Variants in TMEM185A observed in about 807,000 individuals in gnomAD.
TMEM185A encodes the protein transmembrane protein 185A.
In TMEM185A, 9 loss-of-function variants were observed where a neutral mutation model predicts 25.0. The ratio of observed to expected loss-of-function variants is 0.36; its 90% CI spans 0.22 to 0.63. The LOEUF (loss-of-function observed/expected upper bound fraction) is 0.63. Ranked by LOEUF, TMEM185A falls within the 20% of genes least tolerant of loss-of-function variation. The probability of loss-of-function intolerance (pLI) is 0.68; values close to 1 mark genes in which losing one functional copy is unlikely to be tolerated. For synonymous variants in TMEM185A, 45 were observed against 93.5 expected, an observed-to-expected ratio of 0.48 and a Z score of 2.99; for missense variants, 103 against 237.4, an observed-to-expected ratio of 0.43 and a Z score of 3.72.
At position 149,611,453 on chromosome X, in the gene TMEM185A, T is replaced by C; in HGVS notation, c.49A>G (p.Ile17Val). 2 of 1,190,083 alleles carry C rather than the reference T, an allele frequency of 1.7e-6. No homozygotes were observed. Among genetic ancestry groups the C allele is most frequent in the East Asian group, 3.0e-5 (1 of 33,530 alleles). The change falls in exon 2 of 7, where the codon ATC becomes GTC. Residue 17 changes from isoleucine (I) to valine (V), a missense_variant. Ile to Val is a conservative substitution (Grantham distance 29). Coordinates refer to ENST00000600449, the MANE Select transcript of TMEM185A (RefSeq NM_032508.4). ...GAGAACAGCAGCAGACAGGCATAGATGAGGAATTTACTAGGAGAAAAGTAA... is the reference window on the plus strand; with the variant it reads ...GAGAACAGCAGCAGACAGGCATAGACGAGGAATTTACTAGGAGAAAAGTAA... The part of the protein sequence containing the change: ...FQDFNPSKFL[I>V]YACLLLFSVL...
At chrX:149,615,824 C>T (rs984051087) in intron 1 of TMEM185A, among the ~76,000 whole-genome samples, 4 of 111,919 alleles carry the variant, frequency 3.6e-5, no homozygotes, top group Non-Finnish European at 7.5e-5. Flanking sequence ...TATGCAAAAC[C>T]TATATACTGA....
chrX:149,623,768 A>T (rs1053098041), intron 1 of TMEM185A, among the ~76,000 whole-genome samples: 25 of 112,134 alleles, frequency 2.2e-4, no homozygotes, highest in African/African-American at 7.8e-4. Context: ...CTAGCTTTTT[A>T]AAAAAATTAA....
At chrX:149,612,509 C>T (rs1423677686) in intron 1 of TMEM185A, among the ~76,000 whole-genome samples, 3 of 112,312 alleles carry the variant, frequency 2.7e-5, no homozygotes, top group African/African-American at 9.7e-5. Context: ...AAAAGTTATA[C>T]CAAATAAACA....
chrX:149,610,127 A>G (rs2124212331), intron 2 of TMEM185A, among the ~76,000 whole-genome samples: 1 of 111,241 alleles, frequency 9.0e-6, no homozygotes, highest in South Asian at 3.8e-4. Flanking sequence ...TAGTAAACAA[A>G]AATTTAAAAA....
chrX:149,598,848 G>C (rs2124194248), intron 6 of TMEM185A, among the ~76,000 whole-genome samples: 1 of 74,984 alleles, frequency 1.3e-5, no homozygotes, highest in East Asian at 4.1e-4. Flanking sequence ...CTCTCTGTAG[G>C]CTACTGGAGT....
chrX:149,611,162 A>G (rs2090081269), intron 2 of TMEM185A, 125 bp downstream of exon 2: 1 of 635,821 alleles, frequency 1.6e-6, no homozygotes, highest in South Asian at 3.7e-5. Flanking sequence ...CTGTTAGCTT[A>G]TACTATAGTT....
chrX:149,598,661 G>T (rs1209917298), intron 6 of TMEM185A, among the ~76,000 whole-genome samples: 2 of 52,160 alleles, frequency 3.8e-5, no homozygotes, highest in Non-Finnish European at 5.9e-5. Flanking sequence ...CGCAGACTAC[G>T]GTGTCTTCCG....
chrX:149,616,264 G>T (rs1196901825), intron 1 of TMEM185A, among the ~76,000 whole-genome samples: 6 of 112,220 alleles, frequency 5.3e-5, no homozygotes, highest in Admixed American at 2.8e-4. Flanking sequence ...CATCCTCTGT[G>T]TATTAGTTTC....
At chrX:149,610,278 A>C (rs1397135469) in intron 2 of TMEM185A, among the ~76,000 whole-genome samples, 1 of 107,841 alleles carries the variant, frequency 9.3e-6, no homozygotes, top group East Asian at 2.9e-4. Context: ...AATACAAAAA[A>C]TTAGCTGGGC....
At chrX:149,603,912 A>C in intron 4 of TMEM185A, 75 bp downstream of exon 4, 1 of 913,921 alleles carries the variant, frequency 1.1e-6, no homozygotes, top group Non-Finnish European at 1.5e-6. Context: ...CGTCTTTTCC[A>C]AGCTTTGTAC....
At chrX:149,603,844 A>G in intron 4 of TMEM185A, 143 bp downstream of exon 4, 1 of 436,468 alleles carries the variant, frequency 2.3e-6, no homozygotes, top group Non-Finnish European at 3.9e-6. Context: ...AACACTAACC[A>G]TGTTATCTCC....
chrX:149,612,066 T>C lies in TMEM185A; in HGVS notation c.39-603A>G, dbSNP rs782284826. Among the ~76,000 whole-genome samples the C allele has an allele frequency of 2.7e-5, 3 of 112,586 alleles. No homozygotes were observed. In the South Asian group the frequency reaches 1.1e-3, roughly 41 times the overall value. On this transcript the variant is annotated intron_variant, in intron 1 of 6. Transcript: ENST00000600449. ...CACATACACACATGCTCACGTCTCA[T>C]ATAAAAGGGAATTGCTACAGAGGAT...
chrX:149,614,459 G>T (rs149124163), intron 1 of TMEM185A, among the ~76,000 whole-genome samples: 97 of 111,350 alleles, frequency 8.7e-4, no homozygotes, highest in Non-Finnish European at 1.7e-3. Flanking sequence ...CATTAGAAAA[G>T]ATATCAAGTC....
intron 1 of TMEM185A, among the ~76,000 whole-genome samples, chrX:149,613,562 A>C (rs1456474982): frequency 8.9e-6 from 1 of 112,277 alleles, no homozygotes; most frequent in African/African-American, 3.2e-5. Flanking sequence ...CCAGAAAGGA[A>C]TAGAGCCCTC....
chrX:149,617,385 C>A (rs782580024), intron 1 of TMEM185A, among the ~76,000 whole-genome samples: 3 of 111,453 alleles, frequency 2.7e-5, no homozygotes, highest in Admixed American at 1.9e-4. Flanking sequence ...AGGACTTTTA[C>A]AACTAAAAAA....
rs782571349 is a variant in TMEM185A, at chrX:149,608,725, T to C, written c.325A>G (p.Ser109Gly). Residue 109 changes from serine (S) to glycine (G), a missense_variant, in exon 3 of 7, where the codon AGC becomes GGC. Physicochemically the swap from Ser to Gly is moderately conservative, Grantham distance 56. This residue lies in a region of TMEM185A where 102 missense variants were observed against 125.7 expected (regional missense o/e 0.81). Transcript: ENST00000600449. Reference protein sequence around the residue: ...VLVCDRIERGSHFWLLVFMPL... With the variant: ...VLVCDRIERGGHFWLLVFMPL... ...ATGAAGACCAGGAGCCAGAAATGGC[T>C]TCCTCTCTCGATTCTGTCACAGACC... 3 of 1,211,717 alleles carry C rather than the reference T, an allele frequency of 2.5e-6. No individual in the cohort carries two copies. Among genetic ancestry groups the C allele is most frequent in the Admixed American group, 4.3e-5 (2 of 46,057 alleles).
chrX:149,616,925 A>G (rs1222947752), intron 1 of TMEM185A, among the ~76,000 whole-genome samples: 1 of 112,701 alleles, frequency 8.9e-6, no homozygotes, highest in East Asian at 2.8e-4. Flanking sequence ...TAGTACTGGC[A>G]TAAGAATAGA....
intron 1 of TMEM185A, among the ~76,000 whole-genome samples, chrX:149,622,145 AG>A (rs2090142474): frequency 8.9e-6 from 1 of 112,413 alleles, no homozygotes; most frequent in Admixed American, 9.4e-5. Flanking sequence ...CAGATGACAG[AG>A]GTTTAGCACG....
chrX:149,626,286 G>A (rs782100902), intron 1 of TMEM185A, among the ~76,000 whole-genome samples: 1 of 112,566 alleles, frequency 8.9e-6, no homozygotes, highest in Non-Finnish European at 1.9e-5. Context: ...CAGATAAGCA[G>A]TCACTTGAGT....
Sources: allele counts gnomAD v4.1 joint callset (sites outside exome capture counted in the v4.1 genomes callset), GRCh38; gene constraint gnomAD v4.1.1; regional missense constraint gnomAD v4.1.1; transcripts MANE v1.5; gene names NCBI Gene and HGNC (gene_info 2026-07-23, HGNC 2026-07-21).